The following ABCA13 variants were observed in gnomAD, a reference collection of about 807,000 sequenced individuals.
The protein encoded by ABCA13 is ATP binding cassette subfamily A member 13.
A neutral mutation model predicts 478.7 loss-of-function variants in ABCA13; 476 were observed. The observed-to-expected ratio is 0.99, with a 90% CI of 0.92 to 1.07. The LOEUF is 1.07. ABCA13 is among the 50% of genes least tolerant of loss of function. The pLI, the probability that ABCA13 is intolerant of heterozygous loss-of-function variation, is 0.00. For missense variants in ABCA13, 6,060 were observed against 5,910.6 expected (o/e 1.03, Z -0.83); for synonymous variants, 2,252 against 2,158.9 (o/e 1.04, Z -1.20).
At chr7:48,363,869 T>G (rs1811264675) in intron 31 of ABCA13, among the ~76,000 whole-genome samples, 1 of 152,150 alleles carries the variant, frequency 6.6e-6, no homozygotes, top group Non-Finnish European at 1.5e-5. Flanking sequence ...GGGGCTTGCC[T>G]TGTTTAAATT....
intron 42 of ABCA13, among the ~76,000 whole-genome samples, chr7:48,436,221 C>T (rs964898656): frequency 1.3e-5 from 2 of 151,514 alleles, no homozygotes; most frequent in African/African-American, 2.4e-5. Flanking sequence ...TATAGGTTTA[C>T]TCAGATTTTC....
At chr7:48,341,351 T>TTCCTAGGAATTCTCTGCTCTGCTC (rs371246402) in intron 29 of ABCA13, among the ~76,000 whole-genome samples, 2,720 of 152,144 alleles carry the variant, frequency 0.018, 32 homozygotes, top group Admixed American at 0.023. Flanking sequence ...CCCAGCTGCT[T>TTCCTAGGAATTCTCTGCTCTGCTC]TCCTAGGAAT....
intron 8 of ABCA13, among the ~76,000 whole-genome samples, chr7:48,235,282 A>G (rs1789778765): frequency 6.6e-6 from 1 of 152,184 alleles, no homozygotes; most frequent in Non-Finnish European, 1.5e-5. Flanking sequence ...ATGGATGCTG[A>G]TGTAGATGGA....
chr7:48,343,422 G>A lies in ABCA13; in HGVS notation c.10204+4967G>A, dbSNP rs541961679. Among the ~76,000 whole-genome samples, 4 of 152,132 alleles carry A rather than the reference G, an allele frequency of 2.6e-5. No homozygotes were observed. In the East Asian group the frequency reaches 7.7e-4, roughly 29 times the overall value. ...TCACCTATAAAGCTGATACCGATTA[G>A]GGCCCATGTAGATCCAGAGCTCAAA... On this transcript the variant is annotated intron_variant, in intron 29 of 61. Transcript: ENST00000435803.
At position 48,352,349 on chromosome 7, in the gene ABCA13, G is replaced by T; in HGVS notation, c.10550G>T (p.Gly3517Val). ...CACCCTCAGAATCTACCAGCTGATG[G>T]GTTCAAATATAACTACGTCTTTGCC... is the stretch of plus-strand genomic sequence containing the variant. Reference protein sequence around the residue: ...KFHPQNLPADGFKYNYVFAPL... With the variant: ...KFHPQNLPADVFKYNYVFAPL... Residue 3517 changes from glycine (G) to valine (V), a missense_variant, in exon 31 of 62, where the codon GGG becomes GTG. This residue lies in a region of ABCA13 where 4,423 missense variants were observed against 4,309.1 expected (regional missense o/e 1.03). Transcript: ENST00000435803. The T allele has an allele frequency of 4.3e-6, 7 of 1,613,724 alleles. No individual in the cohort carries two copies. Among genetic ancestry groups the T allele is most frequent in the Non-Finnish European group, 5.9e-6 (7 of 1,179,872 alleles).
rs1170933958 is a variant in ABCA13, at chr7:48,352,273, G to A, written c.10474G>A (p.Val3492Met). 6.2e-7 allele frequency: 1 copy of A among 1,613,826 alleles called. No individual in the cohort carries two copies. The highest frequency in any genetic ancestry group is 8.5e-7 in the Non-Finnish European group (1 of 1,179,870). Residue 3492 changes from valine to methionine, a missense_variant, in exon 31 of 62, where the codon GTG (valine) becomes ATG (methionine). By Grantham distance (21) the Val-to-Met change is conservative (BLOSUM62 1). Coordinates refer to ENST00000435803, the MANE Select transcript of ABCA13 (RefSeq NM_152701.5). Reference sequence around the variant, plus strand: ...TGTCTCATACACAATCCGGACCAATGTGTTATACAGCGTGCGAACAGATGT... The same window carrying A: ...TGTCTCATACACAATCCGGACCAATATGTTATACAGCGTGCGAACAGATGT... Reference protein sequence around the residue: ...PHVSYTIRTNVLYSVRTDVVK... With the variant: ...PHVSYTIRTNMLYSVRTDVVK...
In ABCA13 at chr7:48,263,978, A is replaced by C. The variant is rs955845014; in HGVS notation, c.2006-5002A>C. ...CTTCCTGCCCTGTCACCAGGCTACCATTGCTCTGCTTTCTGTCACTGTATT... is the reference window on the plus strand; with the variant it reads ...CTTCCTGCCCTGTCACCAGGCTACCCTTGCTCTGCTTTCTGTCACTGTATT... On this transcript the variant is annotated intron_variant, in intron 15 of 61. Transcript: ENST00000435803. 2.2e-4 allele frequency among the ~76,000 whole-genome samples: 34 copies of C among 151,902 alleles called. No individual in the cohort carries two copies. In the Middle Eastern group the frequency reaches 0.01, roughly 46 times the overall value.
chr7:48,198,985 A>G (rs1917943), intron 3 of ABCA13, among the ~76,000 whole-genome samples: 1 of 151,942 alleles, frequency 6.6e-6, no homozygotes, highest in African/African-American at 2.4e-5. Context: ...CTTGGGGGAT[A>G]CTGAATGCCC....
intron 5 of ABCA13, among the ~76,000 whole-genome samples, chr7:48,224,308 C>T (rs2128974894): frequency 6.6e-6 from 1 of 152,358 alleles, no homozygotes; most frequent in East Asian, 1.9e-4. Context: ...CCACCAGACT[C>T]ACATTGCCTG....
intron 55 of ABCA13, among the ~76,000 whole-genome samples, chr7:48,543,362 G>A (rs1252053640): frequency 1.3e-5 from 2 of 151,740 alleles, no homozygotes; most frequent in African/African-American, 2.4e-5. Flanking sequence ...GGTGGCTCAC[G>A]CCTGTAATCC....
intron 42 of ABCA13, 145 bp from the exon 43 acceptor site, chr7:48,454,891 CA>C (rs1310592282): frequency 1.9e-5 from 22 of 1,143,320 alleles, no homozygotes; most frequent in Non-Finnish European, 2.1e-5. Context: ...ATAAAGGGGA[CA>C]CTCAAGGGAG....
At chr7:48,627,229 G>A (rs1586031031) in intron 59 of ABCA13, 1 of 234,246 alleles carries the variant, frequency 4.3e-6, no homozygotes, top group East Asian at 1.8e-4. Flanking sequence ...GAGAAAAGCA[G>A]TTTTCAAACT....
chr7:48,378,163 C>G (rs185312692), intron 35 of ABCA13, among the ~76,000 whole-genome samples: 10 of 152,200 alleles, frequency 6.6e-5, no homozygotes, highest in Admixed American at 5.2e-4. Context: ...GGCTCACTGT[C>G]TAGGTCATAT....
chr7:48,367,183 G>A (rs1344890884), intron 31 of ABCA13, among the ~76,000 whole-genome samples: 2 of 152,124 alleles, frequency 1.3e-5, no homozygotes, highest in African/African-American at 4.8e-5. Context: ...AGAGAAAAGA[G>A]AGGAGGAGGG....
At chr7:48,591,355 CCATACTTTTTAAATTAT>C (rs1789722836) in intron 57 of ABCA13, among the ~76,000 whole-genome samples, 1 of 151,818 alleles carries the variant, frequency 6.6e-6, no homozygotes, top group African/African-American at 2.4e-5. Flanking sequence ...TATACAAGTA[CCATACTTTTTAAATTAT>C]AATAGCATAG....
chr7:48,410,858 T>G (rs1818918138), intron 40 of ABCA13, among the ~76,000 whole-genome samples, 181 bp downstream of exon 40: 1 of 152,228 alleles, frequency 6.6e-6, no homozygotes, highest in Non-Finnish European at 1.5e-5. Flanking sequence ...AACCCAAGCA[T>G]GCATTTTGAC....
chr7:48,623,440 G>A (rs1228530922), intron 59 of ABCA13, among the ~76,000 whole-genome samples: 1 of 152,122 alleles, frequency 6.6e-6, no homozygotes, highest in Non-Finnish European at 1.5e-5. Flanking sequence ...TCTGTCAGTG[G>A]TTTTATTCTG....
At chr7:48,538,559 A>C (rs1833751832) in intron 55 of ABCA13, among the ~76,000 whole-genome samples, 1 of 152,194 alleles carries the variant, frequency 6.6e-6, no homozygotes, top group African/African-American at 2.4e-5. Context: ...CCACCAACCC[A>C]TAAATTCCAT....
intron 27 of ABCA13, among the ~76,000 whole-genome samples, chr7:48,325,857 C>T (rs1451730190): frequency 2.8e-4 from 42 of 152,166 alleles, no homozygotes; most frequent in Admixed American, 2.7e-3. Flanking sequence ...GAAATCCAGA[C>T]CCTACTGAAG....
Sources: gnomAD v4.1 joint callset for allele counts (sites outside exome capture counted in the v4.1 genomes callset) on GRCh38, gnomAD v4.1.1 for gene constraint, gnomAD v4.1.1 regional missense constraint, MANE v1.5 for transcripts, NCBI Gene and HGNC (gene_info 2026-07-23, HGNC 2026-07-21) for gene names.